RGS6: variants seen among roughly 807,000 people sequenced by gnomAD.
The protein encoded by RGS6 is regulator of G protein signaling 6.
Under a neutral mutation model 78.5 loss-of-function variants are expected in RGS6, and 30 were observed. The ratio of observed to expected loss-of-function variants is 0.38; its 90% confidence interval spans 0.29 to 0.52. RGS6 has a LOEUF of 0.52. Among genes scored for constraint, RGS6 ranks in the 20% least tolerant of loss-of-function variants. RGS6 has a pLI of 0.85. For missense variants in RGS6, 495 were observed against 609.7 expected, an observed-to-expected ratio of 0.81 and a Z score of 1.98; for synonymous variants, 206 against 206.0, an observed-to-expected ratio of 1.00 and a Z score of 0.00.
At chr14:72,202,545 A>G (rs1288647894) in intron 2 of RGS6, among the ~76,000 whole-genome samples, 4 of 152,174 alleles carry the variant, frequency 2.6e-5, no homozygotes, top group Non-Finnish European at 5.9e-5. Context: ...TTAATATAAC[A>G]TTTAAAAATA....
chr14:72,158,375 C>A (rs1193891985), intron 2 of RGS6, among the ~76,000 whole-genome samples: 1 of 152,180 alleles, frequency 6.6e-6, no homozygotes, highest in East Asian at 1.9e-4. Flanking sequence ...AACTTAATTA[C>A]CTCTGAAAAG....
At chr14:72,523,360 G>C (rs898008822) in intron 15 of RGS6, among the ~76,000 whole-genome samples, 2 of 152,090 alleles carry the variant, frequency 1.3e-5, no homozygotes, top group Non-Finnish European at 2.9e-5. Flanking sequence ...CTGTTAAATG[G>C]GGATGTTAAC....
At chr14:71,984,312 A>C (rs1303968050) in intron 2 of RGS6, among the ~76,000 whole-genome samples, 28 of 111,238 alleles carry the variant, frequency 2.5e-4, no homozygotes, top group Non-Finnish European at 3.4e-4. Flanking sequence ...AAAAAAAAAA[A>C]AAAAAAAAAA....
At chr14:71,923,159 T>C in the RGS6 span, among the ~76,000 whole-genome samples, 2 of 152,184 alleles carry the variant, frequency 1.3e-5, no homozygotes, top group African/African-American at 2.4e-5. Flanking sequence ...TAGCTTAGTC[T>C]AATGAAGATC....
chr14:72,523,793 A>T (rs763527857), intron 15 of RGS6, among the ~76,000 whole-genome samples: 6 of 152,122 alleles, frequency 3.9e-5, no homozygotes, highest in Non-Finnish European at 8.8e-5. Flanking sequence ...AATTTCATAG[A>T]TTTAGCCTTG....
rs560376626 is a variant in RGS6, at chr14:72,071,081, T to C, written c.84+106206T>C. ...GATGTAGTCGCCTTTGATTTTTTTT[T>C]AGTTCTACCACCTATGTATGTATCA... On this transcript the variant is annotated intron_variant, in intron 2 of 17. Transcript: ENST00000553525. Among the ~76,000 whole-genome samples the C allele has an allele frequency of 9.2e-5, 14 of 152,262 alleles. 1 individual carries two copies. The East Asian group carries it at 2.7e-3, about 29-fold the overall frequency.
At chr14:71,937,802 A>G (rs2152944256) in intron 1 of RGS6, among the ~76,000 whole-genome samples, 1 of 152,364 alleles carries the variant, frequency 6.6e-6, no homozygotes, top group South Asian at 2.1e-4. Flanking sequence ...TATTCCAGTG[A>G]GGACAAACCT....
At chr14:72,602,333 T>A in the RGS6 span, among the ~76,000 whole-genome samples, 1 of 152,282 alleles carries the variant, frequency 6.6e-6, no homozygotes, top group Middle Eastern at 3.4e-3. Context: ...AGGAGAAGGA[T>A]GAGAGAGGAA....
intron 6 of RGS6, among the ~76,000 whole-genome samples, chr14:72,462,951 A>T (rs1245424354): frequency 6.6e-6 from 1 of 152,222 alleles, no homozygotes; most frequent in Non-Finnish European, 1.5e-5. Flanking sequence ...GTACATAATG[A>T]TGTTGCTAGT....
intron 3 of RGS6, among the ~76,000 whole-genome samples, chr14:72,382,069 A>G (rs939924679): frequency 1.5e-4 from 23 of 151,996 alleles, no homozygotes; most frequent in African/African-American, 5.1e-4. Context: ...TTAAGTTGAA[A>G]TTAATTAAAG....
chr14:72,536,025 G>A (rs2097246824), intron 15 of RGS6, among the ~76,000 whole-genome samples, 161 bp from the exon 16 acceptor site: 1 of 152,150 alleles, frequency 6.6e-6, no homozygotes, highest in Non-Finnish European at 1.5e-5. Flanking sequence ...GCTGAGTTTG[G>A]GGGTGTGGGG....
chr14:72,410,419 G>C (rs1243982930), intron 3 of RGS6, among the ~76,000 whole-genome samples: 1 of 152,096 alleles, frequency 6.6e-6, no homozygotes, highest in Non-Finnish European at 1.5e-5. Context: ...GGGGTTGTTT[G>C]TTTTTTTCTT....
At chr14:72,148,858 G>C (rs764151833) in intron 2 of RGS6, among the ~76,000 whole-genome samples, 4 of 152,208 alleles carry the variant, frequency 2.6e-5, no homozygotes, top group Non-Finnish European at 5.9e-5. Flanking sequence ...GCCTAAAAAT[G>C]AGTGGATTTT....
chr14:72,566,454 G>C lies in RGS6; in HGVS notation c.*3987G>C, dbSNP rs2097711041. On this transcript the variant is annotated 3_prime_UTR_variant, in exon 18 of 18. Transcript: ENST00000553525. ...TGGTTCTCTTTAGTTTATTTTTCTG[G>C]AATTTGGGGATTGGACCCCAGAACC... is the stretch of plus-strand genomic sequence containing the variant. 6.6e-6 allele frequency: 1 copy of C among 152,138 alleles called. No homozygotes were observed. The highest frequency in any genetic ancestry group is 2.1e-4 in the South Asian group (1 of 4,824). The allele number at this position is 152,138 out of a possible 1,614,324, so 9.4% of individuals were successfully genotyped here.
intron 8 of RGS6, among the ~76,000 whole-genome samples, chr14:72,470,914 G>A (rs2096062009): frequency 6.6e-6 from 1 of 150,448 alleles, no homozygotes; most frequent in South Asian, 2.1e-4. Flanking sequence ...TATAGGGCGT[G>A]ACACTGGATA....
intron 14 of RGS6, among the ~76,000 whole-genome samples, chr14:72,517,989 G>A (rs1328300508): frequency 1.3e-5 from 2 of 152,170 alleles, no homozygotes; most frequent in African/African-American, 4.8e-5. Context: ...AGTGGGTAGA[G>A]GCCAAGGTTG....
chr14:72,497,128 G>T (rs2096655744), intron 13 of RGS6, among the ~76,000 whole-genome samples: 1 of 152,048 alleles, frequency 6.6e-6, no homozygotes, highest in South Asian at 2.1e-4. Context: ...CGTAGAAATG[G>T]TATGCATATT....
chr14:72,605,772 G>A, the RGS6 span, among the ~76,000 whole-genome samples: 44 of 152,284 alleles, frequency 2.9e-4, no homozygotes, highest in East Asian at 2.1e-3. Context: ...GGCAAAAGCC[G>A]GGAATGGGCT....
At chr14:72,002,605 C>CA (rs66969536) in intron 2 of RGS6, among the ~76,000 whole-genome samples, 96,679 of 149,800 alleles carry the variant, frequency 0.65, 31,282 homozygotes, top group South Asian at 0.7. Context: ...GCCAACTTTT[C>CA]AAAAAAAAAA....
Sources: gnomAD v4.1 joint callset for allele counts (sites outside exome capture counted in the v4.1 genomes callset) on GRCh38, gnomAD v4.1.1 for gene constraint, MANE v1.5 for transcripts, NCBI Gene and HGNC (gene_info 2026-07-23, HGNC 2026-07-21) for gene names.